APBA2: variants seen among roughly 807,000 people sequenced by gnomAD.
The protein encoded by APBA2 is amyloid beta precursor protein binding family A member 2, also known as amyloid-beta A4 precursor protein-binding family A member 2.
Under a neutral mutation model 75.0 loss-of-function variants are expected in APBA2, and 30 were observed. The ratio of observed to expected loss-of-function variants is 0.40; its 90% CI spans 0.30 to 0.54. The LOEUF is 0.54. APBA2 is among the 20% of genes least tolerant of loss of function. The pLI is 0.49. For synonymous variants in APBA2, 444 were observed against 409.6 expected (o/e 1.08, Z -1.01); for missense variants, 801 against 1,016.1 (o/e 0.79, Z 2.88).
chr15:29,036,445 T>C (rs1224844388), intron 3 of APBA2, among the ~76,000 whole-genome samples: 2 of 152,078 alleles, frequency 1.3e-5, no homozygotes, highest in African/African-American at 4.8e-5. Flanking sequence ...ACAGCTAGGA[T>C]GGGAGGCAGT....
chr15:28,921,367 T>C (rs1265645028), intron 1 of APBA2, among the ~76,000 whole-genome samples: 1 of 152,220 alleles, frequency 6.6e-6, no homozygotes, highest in African/African-American at 2.4e-5. Context: ...TTGTCCATAC[T>C]CACTGACCTT....
chr15:29,039,099 GT>G (rs2040895798), intron 3 of APBA2, among the ~76,000 whole-genome samples: 207 of 7,554 alleles, frequency 0.027, 1 homozygote, highest in African/African-American at 0.13. Context: ...GTATGTCAGG[GT>G]GTGTGTGTGT....
At chr15:29,047,295 A>G (rs1167852219) in intron 3 of APBA2, among the ~76,000 whole-genome samples, 1 of 152,102 alleles carries the variant, frequency 6.6e-6, no homozygotes, top group African/African-American at 2.4e-5. Context: ...TGGGAAAGAG[A>G]GCTGGATCAG....
At chr15:29,042,771 G>A (rs1354431434) in intron 3 of APBA2, among the ~76,000 whole-genome samples, 1 of 152,102 alleles carries the variant, frequency 6.6e-6, no homozygotes, top group Non-Finnish European at 1.5e-5. Flanking sequence ...TCTTGTGGCC[G>A]CTTCTCTGGG....
rs914086944 is a variant in APBA2 at position 28,995,736 on chromosome 15, C to G, written c.-94-17C>G. On this transcript the variant is annotated splice_polypyrimidine_tract_variant and intron_variant, in intron 2 of 14. Coordinates refer to ENST00000683413, the MANE Select transcript of APBA2 (RefSeq NM_001353788.2). Reference sequence around the variant, plus strand: ...AAGTGAAAGTAATTTTCTCTGTTTTCTTCTGCTTTATTCCAGAAAGATTTG... The same window carrying G: ...AAGTGAAAGTAATTTTCTCTGTTTTGTTCTGCTTTATTCCAGAAAGATTTG... 12 of 152,160 alleles carry G rather than the reference C, an allele frequency of 7.9e-5. No individual in the cohort carries two copies. Among genetic ancestry groups the G allele is most frequent in the African/African-American group, 2.9e-4 (12 of 41,436 alleles). 9.4% of individuals were successfully genotyped at this position (152,160 alleles called of 1,614,324 possible). A position where few individuals can be genotyped will look rare whatever the true frequency, so the allele number is the denominator to read the frequency against.
chr15:28,937,163 A>AT (rs2034924261), intron 2 of APBA2, among the ~76,000 whole-genome samples: 1 of 151,868 alleles, frequency 6.6e-6, no homozygotes, highest in South Asian at 2.1e-4. Context: ...CCACCCCTCT[A>AT]TACCGGGGAC....
intron 3 of APBA2, among the ~76,000 whole-genome samples, chr15:29,001,670 G>A (rs2038854819): frequency 6.6e-6 from 1 of 152,232 alleles, no homozygotes; most frequent in Non-Finnish European, 1.5e-5. Context: ...GAGGCAAAGA[G>A]AGGACAAGGA....
At chr15:29,008,739 A>G (rs991265764) in intron 3 of APBA2, among the ~76,000 whole-genome samples, 1 of 152,146 alleles carries the variant, frequency 6.6e-6, no homozygotes, top group Admixed American at 6.6e-5. Context: ...ATAAAAAAAT[A>G]AAAGCACAGA....
intron 2 of APBA2, among the ~76,000 whole-genome samples, chr15:28,972,007 C>T (rs2037094812): frequency 6.6e-6 from 1 of 152,144 alleles, no homozygotes; most frequent in South Asian, 2.1e-4. Flanking sequence ...CACCATGAGC[C>T]AGCTCTTCAT....
At chr15:29,058,627 A>G (rs1462073301) in intron 4 of APBA2, among the ~76,000 whole-genome samples, 2 of 152,172 alleles carry the variant, frequency 1.3e-5, no homozygotes, top group Non-Finnish European at 2.9e-5. Flanking sequence ...TCCAGTTTGC[A>G]GGGAGCCCTC....
chr15:29,030,729 ATGTGTGTGTG>A (rs60048817), intron 3 of APBA2, among the ~76,000 whole-genome samples: 2 of 113,244 alleles, frequency 1.8e-5, no homozygotes, highest in East Asian at 2.9e-4. Flanking sequence ...CCATGTGAGT[ATGTGTGTGTG>A]TGTGTGTGTG....
At chr15:28,935,266 C>T (rs2034794682) in intron 2 of APBA2, among the ~76,000 whole-genome samples, 1 of 152,344 alleles carries the variant, frequency 6.6e-6, no homozygotes, top group South Asian at 2.1e-4. Context: ...CCTCGTGGCC[C>T]AGTCTTTACC....
intron 3 of APBA2, among the ~76,000 whole-genome samples, chr15:29,027,983 CG>C (rs1230865154): frequency 1.3e-5 from 2 of 148,326 alleles, no homozygotes; most frequent in African/African-American, 5.0e-5. Context: ...ACACTCTTTT[CG>C]TTTTTTTTTT....
At position 29,074,909 on chromosome 15, in the gene APBA2, C is replaced by G. The variant is rs2042781234; in HGVS notation, c.952-12C>G. On this transcript the variant is annotated splice_polypyrimidine_tract_variant and intron_variant, in intron 4 of 14. Coordinates refer to ENST00000683413, the MANE Select transcript of APBA2 (RefSeq NM_001353788.2). ...CATATAAAATCACGATCTTTAACTT[C>G]CCCGTTTCCAGGTTTGCAATGGTCT... 1 of 1,613,586 alleles carries G rather than the reference C, an allele frequency of 6.2e-7. No homozygotes were observed. Among genetic ancestry groups the G allele is most frequent in the Non-Finnish European group, 8.5e-7 (1 of 1,179,552 alleles).
intron 4 of APBA2, among the ~76,000 whole-genome samples, chr15:29,070,505 T>C (rs961080455): frequency 1.3e-5 from 2 of 152,212 alleles, no homozygotes; most frequent in Non-Finnish European, 2.9e-5. Context: ...GGAGTAACTA[T>C]TATAAGAACA....
At chr15:28,933,237 A>G (rs562528424) in intron 2 of APBA2, among the ~76,000 whole-genome samples, 20 of 152,306 alleles carry the variant, frequency 1.3e-4, no homozygotes, top group Admixed American at 4.6e-4. Flanking sequence ...GGGGGGGCAC[A>G]TTCCAACTAT....
chr15:28,929,363 T>C (rs2034443559), intron 2 of APBA2, among the ~76,000 whole-genome samples: 1 of 152,160 alleles, frequency 6.6e-6, no homozygotes, highest in South Asian at 2.1e-4. Context: ...ATCCGTAGGA[T>C]TTCTCGTGCC....
chr15:29,036,679 C>T (rs1300538890), intron 3 of APBA2, among the ~76,000 whole-genome samples: 2 of 152,180 alleles, frequency 1.3e-5, no homozygotes, highest in Non-Finnish European at 2.9e-5. Context: ...CTGCTGAACA[C>T]CCCAGAGTTC....
intron 1 of APBA2, among the ~76,000 whole-genome samples, chr15:28,904,470 A>T (rs555399361): frequency 6.6e-6 from 1 of 152,354 alleles, no homozygotes; most frequent in South Asian, 2.1e-4. Flanking sequence ...GATATTCATG[A>T]TCCCTTACTA....
Sources: allele counts gnomAD v4.1 joint callset (sites outside exome capture counted in the v4.1 genomes callset), GRCh38; gene constraint gnomAD v4.1.1; transcripts MANE v1.5; gene names NCBI Gene and HGNC (gene_info 2026-07-23, HGNC 2026-07-21).